Variants in SAMD12 observed in about 807,000 individuals in gnomAD.
SAMD12 encodes the protein sterile alpha motif domain containing 12, also known as sterile alpha motif domain-containing protein 12.
In SAMD12, 9 loss-of-function variants were observed where a neutral mutation model predicts 15.0. That is an observed-to-expected ratio of 0.60 (90% CI 0.36 to 1.05). The LOEUF (loss-of-function observed/expected upper bound fraction) is 1.05, where lower values mean the gene tolerates loss of function less well. SAMD12 is among the 50% of genes least tolerant of loss of function. The pLI is 0.01. For missense variants in SAMD12, 230 were observed against 234.2 expected, an observed-to-expected ratio of 0.98 and a Z score of 0.12; for synonymous variants, 86 against 90.1, an observed-to-expected ratio of 0.96 and a Z score of 0.25.
In SAMD12 at chr8:118,466,072, C is replaced by G. The variant is rs184269030; in HGVS notation, c.193-26111G>C. 3.9e-5 allele frequency among the ~76,000 whole-genome samples: 6 copies of G among 152,240 alleles called. No individual in the cohort carries two copies. The East Asian group carries it at 1.2e-3, about 29-fold the overall frequency. On this transcript the variant is annotated intron_variant, in intron 2 of 3. Transcript: ENST00000314727. Reference sequence around the variant, plus strand: ...TCTCACATCTCATCTCAAACAAATACTCTATTACACTCATAACTAACACGT... The same window carrying G: ...TCTCACATCTCATCTCAAACAAATAGTCTATTACACTCATAACTAACACGT...
At chr8:118,325,993 C>G (rs1424345761) in intron 4 of SAMD12, among the ~76,000 whole-genome samples, 1 of 152,188 alleles carries the variant, frequency 6.6e-6, no homozygotes, top group African/African-American at 2.4e-5. Flanking sequence ...ACTAAAAATG[C>G]ATGGTGCTGG....
intron 1 of SAMD12, among the ~76,000 whole-genome samples, chr8:118,586,411 T>C (rs1273571650): frequency 6.6e-6 from 1 of 151,164 alleles, no homozygotes; most frequent in Non-Finnish European, 1.5e-5. Context: ...GGTGTGATCA[T>C]GGCTCACTGC....
intron 2 of SAMD12, among the ~76,000 whole-genome samples, chr8:118,555,173 C>T (rs749058853): frequency 4.6e-5 from 7 of 152,150 alleles, no homozygotes; most frequent in South Asian, 2.1e-4. Context: ...CCACACACAG[C>T]GTACCTCCTC....
intron 4 of SAMD12, among the ~76,000 whole-genome samples, chr8:118,211,530 CT>C (rs1028598251): frequency 1.3e-5 from 2 of 152,192 alleles, no homozygotes; most frequent in African/African-American, 4.8e-5. Flanking sequence ...GTTTAATGTC[CT>C]GCTTTAAAAT....
chr8:118,418,109 A>G (rs1372150246), intron 3 of SAMD12, among the ~76,000 whole-genome samples: 1 of 152,218 alleles, frequency 6.6e-6, no homozygotes, highest in Non-Finnish European at 1.5e-5. Context: ...ACTGTGGAAT[A>G]GGACGATTTT....
chr8:118,510,419 A>C (rs1825046971), intron 2 of SAMD12, among the ~76,000 whole-genome samples: 1 of 152,206 alleles, frequency 6.6e-6, no homozygotes, highest in South Asian at 2.1e-4. Flanking sequence ...ATTTTTAAAA[A>C]CAGAAAGGGA....
intron 3 of SAMD12, among the ~76,000 whole-genome samples, chr8:118,398,652 G>A (rs750225474): frequency 3.3e-5 from 5 of 152,022 alleles, no homozygotes; most frequent in Admixed American, 6.6e-5. Flanking sequence ...TAGAAAAACC[G>A]AACTTAACTG....
chr8:118,547,570 T>A (rs1176547704), intron 2 of SAMD12, among the ~76,000 whole-genome samples: 1 of 152,176 alleles, frequency 6.6e-6, no homozygotes, highest in East Asian at 1.9e-4. Context: ...CAATACAGGT[T>A]GGGCAAAGTA....
intron 4 of SAMD12, chr8:118,284,304 G>T (rs1433048598): frequency 2.2e-6 from 1 of 456,130 alleles, no homozygotes; most frequent in Non-Finnish European, 4.4e-6. Flanking sequence ...AGCAGAACTG[G>T]CTGGGATGGC....
chr8:118,148,781 A>G, the SAMD12 span, among the ~76,000 whole-genome samples: 13 of 152,188 alleles, frequency 8.5e-5, no homozygotes, highest in Admixed American at 2.0e-4. Context: ...CAATCATGTC[A>G]TATGTGGTTA....
the SAMD12 span, among the ~76,000 whole-genome samples, chr8:118,162,483 A>T: frequency 6.6e-6 from 1 of 151,954 alleles, no homozygotes; most frequent in Non-Finnish European, 1.5e-5. Context: ...ATAAATGAGA[A>T]GAGGGAGAAG....
At chr8:118,286,402 T>C (rs2130207306) in intron 4 of SAMD12, among the ~76,000 whole-genome samples, 1 of 152,318 alleles carries the variant, frequency 6.6e-6, no homozygotes, top group East Asian at 1.9e-4. Context: ...TGTTGGGTCT[T>C]GTTCATCTCT....
rs140619711 is a variant in SAMD12 at position 118,508,438 on chromosome 8, A to AGTTTCTTTTTTGTTTT, written c.193-68493_193-68478dup. ...AAGACTAAAGCAGCCTTTTCTCACA[A>AGTTTCTTTTTTGTTTT]GTTTCTTTTTTGTTTTGTTTCTTTT... On this transcript the variant is annotated intron_variant, in intron 2 of 3. Coordinates refer to ENST00000314727, the MANE Select transcript of SAMD12 (RefSeq NM_207506.3). 2.9e-3 allele frequency among the ~76,000 whole-genome samples: 435 copies of AGTTTCTTTTTTGTTTT among 152,268 alleles called. 2 individuals are homozygous for AGTTTCTTTTTTGTTTT. Among genetic ancestry groups the AGTTTCTTTTTTGTTTT allele is most frequent in the Non-Finnish European group, 3.2e-3 (215 of 68,016 alleles).
In SAMD12 at chr8:118,508,777, C is replaced by T. The variant is rs555324497; in HGVS notation, c.193-68816G>A. 1.0e-3 allele frequency among the ~76,000 whole-genome samples: 157 copies of T among 152,274 alleles called. No individual in the cohort carries two copies. The Middle Eastern group carries it at 0.014, about 13-fold the overall frequency. ...TCCCATGAGCAGTCAAAAGGGTAGGCGGAGTATGACAGAGGTGGAGATATG... is the reference window on the plus strand; with the variant it reads ...TCCCATGAGCAGTCAAAAGGGTAGGTGGAGTATGACAGAGGTGGAGATATG... On this transcript the variant is annotated intron_variant, in intron 2 of 3. Coordinates refer to ENST00000314727, the MANE Select transcript of SAMD12 (RefSeq NM_207506.3).
chr8:118,573,198 C>T (rs1244522353), intron 2 of SAMD12, among the ~76,000 whole-genome samples: 1 of 152,142 alleles, frequency 6.6e-6, no homozygotes, highest in Non-Finnish European at 1.5e-5. Flanking sequence ...GATTCTCCTG[C>T]CTCAGCTTCC....
intron 4 of SAMD12, among the ~76,000 whole-genome samples, chr8:118,276,330 C>G (rs1813472980): frequency 6.6e-6 from 1 of 152,194 alleles, no homozygotes; most frequent in South Asian, 2.1e-4. Context: ...ATTATAGTTG[C>G]CTGAAGAATG....
At chr8:118,231,199 T>C (rs781633518) in intron 4 of SAMD12, among the ~76,000 whole-genome samples, 1 of 152,120 alleles carries the variant, frequency 6.6e-6, no homozygotes. Flanking sequence ...TTTCTTTCTT[T>C]CAACTCTGTG....
chr8:118,429,677 T>C (rs933296873), intron 3 of SAMD12, among the ~76,000 whole-genome samples: 2 of 152,130 alleles, frequency 1.3e-5, no homozygotes, highest in Non-Finnish European at 2.9e-5. Flanking sequence ...GTGGATCACT[T>C]GAGGTCAGTA....
chr8:118,556,840 T>C (rs1826546361), intron 2 of SAMD12, among the ~76,000 whole-genome samples: 1 of 152,054 alleles, frequency 6.6e-6, no homozygotes, highest in Admixed American at 6.6e-5. Flanking sequence ...GGCAGCTGCC[T>C]GTAATCCCAA....
Sources: gnomAD v4.1 joint callset for allele counts (sites outside exome capture counted in the v4.1 genomes callset) on GRCh38, gnomAD v4.1.1 for gene constraint, MANE v1.5 for transcripts, NCBI Gene and HGNC (gene_info 2026-07-23, HGNC 2026-07-21) for gene names.